The following TBC1D22A variants were observed in gnomAD, a reference collection of about 807,000 sequenced individuals.
The protein encoded by TBC1D22A is TBC1 domain family member 22A.
Under a neutral mutation model 60.2 loss-of-function variants are expected in TBC1D22A, and 38 were observed. The observed-to-expected ratio is 0.63, with a 90% CI of 0.49 to 0.83. TBC1D22A has a LOEUF of 0.83. Among genes scored for constraint, TBC1D22A ranks in the 40% least tolerant of loss-of-function variants. The probability of loss-of-function intolerance (pLI) is 0.00; values close to 1 mark genes in which losing one functional copy is unlikely to be tolerated. For synonymous variants in TBC1D22A, 302 were observed against 281.7 expected (o/e 1.07, Z -0.72); for missense variants, 628 against 701.0 (o/e 0.90, Z 1.18).
intron 11 of TBC1D22A, among the ~76,000 whole-genome samples, chr22:47,089,128 CATTGTGT>C (rs1315116660): frequency 6.6e-6 from 1 of 152,144 alleles, no homozygotes; most frequent in Non-Finnish European, 1.5e-5. Context: ...CTCTCAGATG[CATTGTGT>C]ATGTGTCATT....
intron 11 of TBC1D22A, among the ~76,000 whole-genome samples, chr22:47,065,172 A>G (rs1388719957): frequency 1.3e-5 from 2 of 151,836 alleles, no homozygotes; most frequent in African/African-American, 2.4e-5. Flanking sequence ...ATTTTTTTGT[A>G]TTTTTATTAG....
At chr22:47,095,177 C>T (rs1372754538) in intron 11 of TBC1D22A, among the ~76,000 whole-genome samples, 2 of 152,244 alleles carry the variant, frequency 1.3e-5, no homozygotes, top group Non-Finnish European at 2.9e-5. Flanking sequence ...ATGAATATTT[C>T]AAAGGAAATC....
At chr22:47,004,988 C>G (rs775505715) in intron 10 of TBC1D22A, among the ~76,000 whole-genome samples, 12 of 151,804 alleles carry the variant, frequency 7.9e-5, no homozygotes, top group Non-Finnish European at 1.3e-4. Context: ...TATATGCATA[C>G]ACATACATGC....
intron 4 of TBC1D22A, among the ~76,000 whole-genome samples, chr22:46,848,918 T>C (rs2087145135): frequency 6.6e-6 from 1 of 151,846 alleles, no homozygotes; most frequent in African/African-American, 2.4e-5. Context: ...CCTATGACAT[T>C]TCATTGCTGG....
At chr22:46,808,107 C>T (rs2085226453) in intron 4 of TBC1D22A, among the ~76,000 whole-genome samples, 1 of 152,188 alleles carries the variant, frequency 6.6e-6, no homozygotes, top group Admixed American at 6.5e-5. Context: ...CCTGTAATCC[C>T]AGCACTTTGG....
At chr22:47,149,493 G>A (rs907745788) in intron 12 of TBC1D22A, among the ~76,000 whole-genome samples, 1 of 152,270 alleles carries the variant, frequency 6.6e-6, no homozygotes, top group Admixed American at 6.5e-5. Flanking sequence ...AGGCCAGGCT[G>A]GCTGCCGAGA....
intron 7 of TBC1D22A, among the ~76,000 whole-genome samples, chr22:46,910,953 T>C (rs1480263518): frequency 6.6e-6 from 1 of 151,154 alleles, no homozygotes; most frequent in African/African-American, 2.4e-5. Flanking sequence ...GCAGCCACAA[T>C]GTGGGTGCTG....
chr22:46,889,278 C>T (rs112641280), intron 5 of TBC1D22A, among the ~76,000 whole-genome samples: 28 of 152,098 alleles, frequency 1.8e-4, no homozygotes, highest in Admixed American at 9.2e-4. Flanking sequence ...GCGATGGCCC[C>T]ACGAAGAGAT....
intron 8 of TBC1D22A, among the ~76,000 whole-genome samples, chr22:46,918,466 G>A (rs768253488): frequency 2.2e-4 from 34 of 152,234 alleles, no homozygotes; most frequent in Non-Finnish European, 4.4e-4. Flanking sequence ...TGTGCATGCA[G>A]GCTGCCAGAC....
intron 10 of TBC1D22A, among the ~76,000 whole-genome samples, chr22:47,026,583 A>C (rs1426104659): frequency 2.6e-5 from 4 of 152,268 alleles, no homozygotes; most frequent in African/African-American, 9.6e-5. Context: ...TCTACATACA[A>C]AAATAAACTT....
intron 1 of TBC1D22A, among the ~76,000 whole-genome samples, chr22:46,774,688 A>G (rs1457950100): frequency 6.6e-6 from 1 of 152,178 alleles, no homozygotes; most frequent in Admixed American, 6.5e-5. Flanking sequence ...TCCTAGGGGA[A>G]CGGGTTCACC....
intron 1 of TBC1D22A, among the ~76,000 whole-genome samples, chr22:46,785,856 C>G (rs60370054): frequency 0.088 from 13,446 of 152,272 alleles, 693 homozygotes; most frequent in Non-Finnish European, 0.11. Flanking sequence ...CTCACTGCAG[C>G]CTTGATCTCA....
intron 4 of TBC1D22A, among the ~76,000 whole-genome samples, chr22:46,857,887 A>G (rs1381671297): frequency 6.6e-6 from 1 of 152,128 alleles, no homozygotes; most frequent in Non-Finnish European, 1.5e-5. Flanking sequence ...TAGTGAATGG[A>G]CATATGGGGT....
At chr22:47,067,985 A>G (rs1603227644) in intron 11 of TBC1D22A, among the ~76,000 whole-genome samples, 2 of 152,242 alleles carry the variant, frequency 1.3e-5, no homozygotes, top group African/African-American at 4.8e-5. Flanking sequence ...GACAAGCACC[A>G]TCCCCTGCTC....
At chr22:46,782,882 C>A (rs770454996) in intron 1 of TBC1D22A, among the ~76,000 whole-genome samples, 3 of 152,168 alleles carry the variant, frequency 2.0e-5, no homozygotes, top group Non-Finnish European at 4.4e-5. Context: ...AGCTGGTGGA[C>A]ATTTGCCTTC....
At chr22:46,921,135 A>G (rs970101515) in intron 8 of TBC1D22A, among the ~76,000 whole-genome samples, 2 of 152,132 alleles carry the variant, frequency 1.3e-5, no homozygotes, top group African/African-American at 2.4e-5. Flanking sequence ...GGTTTTTTAT[A>G]TAGGTAAATT....
intron 8 of TBC1D22A, among the ~76,000 whole-genome samples, chr22:46,959,407 G>C (rs2073376841): frequency 6.6e-6 from 1 of 152,150 alleles, no homozygotes; most frequent in Non-Finnish European, 1.5e-5. Context: ...GTGGTGTCAG[G>C]ACACAGGGTG....
At chr22:46,941,105 GCATA>G (rs1569246969) in intron 8 of TBC1D22A, among the ~76,000 whole-genome samples, 1 of 56,684 alleles carries the variant, frequency 1.8e-5, no homozygotes, top group Admixed American at 2.4e-4. Context: ...TGGGGCACTA[GCATA>G]CACACACACA....
At chr22:46,810,760 C>T (rs904500011) in intron 4 of TBC1D22A, among the ~76,000 whole-genome samples, 9 of 152,172 alleles carry the variant, frequency 5.9e-5, no homozygotes, top group East Asian at 1.9e-4. Flanking sequence ...ACATAATTGG[C>T]GAGTTCTTAT....
Sources: allele counts gnomAD v4.1 joint callset (sites outside exome capture counted in the v4.1 genomes callset), GRCh38; gene constraint gnomAD v4.1.1; transcripts MANE v1.5; gene names NCBI Gene and HGNC (gene_info 2026-07-23, HGNC 2026-07-21).